Variants in FRMPD2 observed in about 807,000 individuals in gnomAD.
FRMPD2 encodes the protein FERM and PDZ domain containing 2.
Under a neutral mutation model 140.1 loss-of-function variants are expected in FRMPD2, and 96 were observed. The observed-to-expected ratio is 0.69, with a 90% CI of 0.58 to 0.81. FRMPD2 has a LOEUF of 0.81. Ranked by LOEUF, FRMPD2 falls within the 40% of genes least tolerant of loss-of-function variation. FRMPD2 has a pLI of 0.00. For synonymous variants in FRMPD2, 449 were observed against 547.6 expected (o/e 0.82, Z 2.52); for missense variants, 1,240 against 1,447.4 (o/e 0.86, Z 2.32).
chr10:48,178,544 G>A lies in FRMPD2; in HGVS notation c.2791-393C>T, dbSNP rs1838468155. 3.3e-5 allele frequency among the ~76,000 whole-genome samples: 5 copies of A among 152,262 alleles called. No individual in the cohort carries two copies. In the South Asian group the frequency reaches 8.3e-4, roughly 25 times the overall value. On this transcript the variant is annotated intron_variant, in intron 21 of 28. Coordinates refer to ENST00000374201, the MANE Select transcript of FRMPD2 (RefSeq NM_001018071.4). ...GACAAGCTGGAGGAAGCTGAACAAC[G>A]AAGCCTCAACTGCTGAGGTTGAGAC...
intron 5 of FRMPD2, 180 bp downstream of exon 5, chr10:48,241,981 C>T (rs1840124494): frequency 2.1e-6 from 1 of 473,290 alleles, no homozygotes. Flanking sequence ...TCTAGATCCA[C>T]CCTGTTCAAT....
intron 28 of FRMPD2, chr10:48,159,142 T>C (rs2652385): frequency 0.073 from 32,707 of 446,272 alleles, 115 homozygotes; most frequent in Admixed American, 0.13. Context: ...AGGCCCCATA[T>C]TGAGGTCTCC....
intron 8 of FRMPD2, 78 bp from the exon 9 acceptor site, chr10:48,236,631 C>T: frequency 7.7e-7 from 1 of 1,294,232 alleles, no homozygotes; most frequent in South Asian, 1.2e-5. Context: ...CATGATGCAC[C>T]TCTGCAGCCC....
intron 20 of FRMPD2, among the ~76,000 whole-genome samples, chr10:48,182,636 C>T (rs1007965293): frequency 6.6e-6 from 1 of 152,194 alleles, no homozygotes; most frequent in African/African-American, 2.4e-5. Context: ...GGCAGCATTG[C>T]CAAAAGGTGG....
rs1330695199 is a variant in FRMPD2 at position 48,161,879 on chromosome 10, T to C, written c.3881+1449A>G. On this transcript the variant is annotated intron_variant, in intron 28 of 28. Coordinates refer to ENST00000374201, the MANE Select transcript of FRMPD2 (RefSeq NM_001018071.4). ...TTAAAATACCATTTTAAATAACTAT[T>C]GGCTATATTAAATTAAAGGCACTTG... Among the ~76,000 whole-genome samples, 7 of 151,018 alleles carry C rather than the reference T, an allele frequency of 4.6e-5. 1 individual carries two copies. The highest frequency in any genetic ancestry group is 1.7e-4 in the African/African-American group (7 of 40,780).
intron 1 of FRMPD2, among the ~76,000 whole-genome samples, chr10:48,265,534 A>G (rs552440098): frequency 6.6e-6 from 1 of 152,190 alleles, no homozygotes; most frequent in South Asian, 2.1e-4. Context: ...AAAACAAACA[A>G]CCCCATTAAA....
In FRMPD2 at chr10:48,206,895, G is replaced by C; in HGVS notation, c.1650C>G (p.His550Gln). 1 of 1,613,998 alleles carries C rather than the reference G, an allele frequency of 6.2e-7. No individual in the cohort carries two copies. The highest frequency in any genetic ancestry group is 8.5e-7 in the Non-Finnish European group (1 of 1,179,940). Residue 550 changes from histidine (H) to glutamine (Q), a missense_variant, in exon 14 of 29, where the codon CAC becomes CAG. Physicochemically the swap from His to Gln is conservative, Grantham distance 24. Around this residue, in one of 6 missense-constraint regions of FRMPD2, gnomAD observed 1,161 missense variants for 1,055.9 expected, o/e 1.10. Transcript: ENST00000374201. ...GCCTCCTCTTCTCTGAGAATACTTG[G>C]TGAACCAGCACACCGTATTCTGGGA... ...QQLPEYGVLVHQVFSEKRRPE... is the reference protein window; with the variant it reads ...QQLPEYGVLVQQVFSEKRRPE...
intron 24 of FRMPD2, among the ~76,000 whole-genome samples, chr10:48,173,654 C>A (rs1443806362): frequency 6.6e-6 from 1 of 152,164 alleles, no homozygotes; most frequent in East Asian, 1.9e-4. Flanking sequence ...ACTGAACATG[C>A]AACATTCTTG....
At chr10:48,174,370 A>G (rs1454240481) in intron 24 of FRMPD2, among the ~76,000 whole-genome samples, 14 of 152,258 alleles carry the variant, frequency 9.2e-5, no homozygotes, top group African/African-American at 3.4e-4. Flanking sequence ...GGCACCCTGA[A>G]TTCCTACCTC....
chr10:48,188,259 T>C (rs1838739219), intron 16 of FRMPD2, among the ~76,000 whole-genome samples: 1 of 152,138 alleles, frequency 6.6e-6, no homozygotes, highest in Admixed American at 6.5e-5. Flanking sequence ...CCCTGTACCC[T>C]TGGAGCTGTG....
chr10:48,255,290 C>T (rs1840467097), intron 1 of FRMPD2, among the ~76,000 whole-genome samples: 1 of 152,190 alleles, frequency 6.6e-6, no homozygotes, highest in African/African-American at 2.4e-5. Context: ...GGCTGAGGAG[C>T]ATCCTGTTTG....
intron 1 of FRMPD2, among the ~76,000 whole-genome samples, chr10:48,258,571 G>C (rs1364990769): frequency 6.6e-6 from 1 of 152,150 alleles, no homozygotes; most frequent in African/African-American, 2.4e-5. Flanking sequence ...TGCAAGAAAG[G>C]CAACTAGAGA....
At chr10:48,169,070 C>T (rs1327999429) in intron 26 of FRMPD2, among the ~76,000 whole-genome samples, 1 of 150,496 alleles carries the variant, frequency 6.6e-6, no homozygotes, top group African/African-American at 2.4e-5. Context: ...ATACCAATGC[C>T]TTTTCTTCAG....
intron 11 of FRMPD2, 108 bp from the exon 12 acceptor site, chr10:48,222,559 G>T: frequency 8.7e-7 from 1 of 1,150,822 alleles, no homozygotes; most frequent in South Asian, 1.4e-5. Flanking sequence ...GGGAAGACGA[G>T]ATGCAACTCA....
chr10:48,207,803 C>G (rs1016522599), intron 13 of FRMPD2, among the ~76,000 whole-genome samples: 1 of 152,122 alleles, frequency 6.6e-6, no homozygotes, highest in Non-Finnish European at 1.5e-5. Flanking sequence ...ATTCCTACCC[C>G]CAACCAGAGA....
chr10:48,240,229 C>T, intron 6 of FRMPD2, 131 bp downstream of exon 6: 1 of 999,258 alleles, frequency 1.0e-6, no homozygotes, highest in Non-Finnish European at 1.4e-6. Context: ...TCTTCAGGGG[C>T]TTCCTGAAAG....
intron 16 of FRMPD2, among the ~76,000 whole-genome samples, chr10:48,191,139 T>G (rs1838821458): frequency 1.3e-5 from 2 of 152,228 alleles, no homozygotes; most frequent in Non-Finnish European, 2.9e-5. Context: ...TGACAGCTTC[T>G]TTTTGGGATC....
upstream of FRMPD2, chr10:48,274,767 C>T (rs1183778676): frequency 4.0e-5 from 24 of 597,084 alleles, no homozygotes; most frequent in Admixed American, 5.2e-4. Flanking sequence ...CCACCACTCT[C>T]ATTCCCTGGG....
At chr10:48,200,889 A>G (rs1244844840) in intron 15 of FRMPD2, among the ~76,000 whole-genome samples, 1 of 152,228 alleles carries the variant, frequency 6.6e-6, no homozygotes, top group Non-Finnish European at 1.5e-5. Flanking sequence ...ATGGGCAGCA[A>G]CTTTTGTGTA....
Sources: gnomAD v4.1 joint callset for allele counts (sites outside exome capture counted in the v4.1 genomes callset) on GRCh38, gnomAD v4.1.1 for gene constraint, gnomAD v4.1.1 regional missense constraint, MANE v1.5 for transcripts, NCBI Gene and HGNC (gene_info 2026-07-23, HGNC 2026-07-21) for gene names.